The following CD6 variants were observed in gnomAD, a reference collection of about 807,000 sequenced individuals.
CD6 encodes the protein T-cell differentiation antigen CD6.
A neutral mutation model predicts 75.3 loss-of-function variants in CD6; 53 were observed. The ratio of observed to expected loss-of-function variants is 0.70; its 90% CI spans 0.56 to 0.88. CD6 has a LOEUF of 0.88. Ranked by LOEUF, CD6 falls within the 40% of genes least tolerant of loss-of-function variation. The probability of loss-of-function intolerance (pLI) is 0.00; values close to 1 mark genes in which losing one functional copy is unlikely to be tolerated. For synonymous variants in CD6, 359 were observed against 381.5 expected (o/e 0.94, Z 0.69); for missense variants, 770 against 897.1 (o/e 0.86, Z 1.81).
intron 1 of CD6, among the ~76,000 whole-genome samples, chr11:61,006,127 T>A (rs1336069703): frequency 6.6e-6 from 1 of 152,252 alleles, no homozygotes; most frequent in Non-Finnish European, 1.5e-5. Flanking sequence ...CAAAATTTTC[T>A]TTTTCTAAAT....
intron 1 of CD6, among the ~76,000 whole-genome samples, chr11:60,993,009 AT>A (rs1236957658): frequency 6.6e-6 from 1 of 152,060 alleles, no homozygotes; most frequent in African/African-American, 2.4e-5. Context: ...CCCTACTCTT[AT>A]CCCTTGGGAT....
At chr11:60,998,629 T>G (rs1858415771) in intron 1 of CD6, among the ~76,000 whole-genome samples, 1 of 152,060 alleles carries the variant, frequency 6.6e-6, no homozygotes, top group Non-Finnish European at 1.5e-5. Context: ...TCCCTGGGAA[T>G]GAGTATGGCT....
At chr11:61,018,612 A>C in intron 12 of CD6, 1 of 529,552 alleles carries the variant, frequency 1.9e-6, no homozygotes, top group Non-Finnish European at 3.4e-6. Flanking sequence ...GAGGCCAGGA[A>C]TTTACGACTA....
chr11:60,979,317 G>T (rs1295539464), intron 1 of CD6, among the ~76,000 whole-genome samples: 1 of 152,206 alleles, frequency 6.6e-6, no homozygotes, highest in Admixed American at 6.5e-5. Context: ...GTCAAGTGTG[G>T]CTGCCTCCCT....
chr11:60,987,805 C>T (rs1750754854), intron 1 of CD6: 1 of 152,168 alleles, frequency 6.6e-6, no homozygotes, highest in South Asian at 2.1e-4. Context: ...TCAGTTATTC[C>T]CTCCTAACTC....
intron 1 of CD6, among the ~76,000 whole-genome samples, chr11:60,983,023 A>G (rs1304565739): frequency 6.6e-6 from 1 of 151,284 alleles, no homozygotes; most frequent in Non-Finnish European, 1.5e-5. Flanking sequence ...TGCTGGCTTC[A>G]TGTAGCTACT....
intron 1 of CD6, among the ~76,000 whole-genome samples, chr11:61,003,624 C>T (rs1398153587): frequency 2.0e-5 from 3 of 152,124 alleles, no homozygotes; most frequent in Non-Finnish European, 2.9e-5. Flanking sequence ...GTCCTAGCTA[C>T]TCGGGAAACT....
chr11:60,981,331 C>T (rs988340683), intron 1 of CD6, among the ~76,000 whole-genome samples: 1 of 152,228 alleles, frequency 6.6e-6, no homozygotes, highest in Non-Finnish European at 1.5e-5. Flanking sequence ...TACCTCATGA[C>T]TCCAAATCCG....
intron 1 of CD6, among the ~76,000 whole-genome samples, chr11:60,999,408 A>G (rs1209342846): frequency 6.6e-6 from 1 of 150,778 alleles, no homozygotes; most frequent in Non-Finnish European, 1.5e-5. Context: ...AAAAAATCTC[A>G]GGATGCAGTG....
intron 1 of CD6, among the ~76,000 whole-genome samples, chr11:60,994,214 G>T (rs1157493219): frequency 2.0e-5 from 3 of 152,130 alleles, no homozygotes; most frequent in Non-Finnish European, 4.4e-5. Context: ...GCTGAGGCAG[G>T]GGGATTGCTT....
intron 12 of CD6, 175 bp from the exon 13 acceptor site, chr11:61,019,078 TA>T (rs1859557839): frequency 5.3e-6 from 3 of 569,252 alleles, no homozygotes; most frequent in African/African-American, 1.9e-5. Flanking sequence ...CAGACGAGGC[TA>T]TTCCCTCAGT....
chr11:61,013,588 TG>T, intron 7 of CD6, 25 bp downstream of exon 7: 4 of 1,612,320 alleles, frequency 2.5e-6, no homozygotes, highest in Non-Finnish European at 2.5e-6. Context: ...CTGGGAGCCA[TG>T]GCCATCCCAG....
Position 61,019,444 on chromosome 11 carries a change from G to T in CD6, c.*126G>T, listed in dbSNP as rs1461974593. The T allele has an allele frequency of 5.9e-6, 4 of 683,608 alleles. No individual in the cohort carries two copies. In the East Asian group the frequency reaches 1.1e-4, roughly 19 times the overall value. The allele number at this position is 683,608 out of a possible 1,614,324, so 42.3% of individuals were successfully genotyped here. A position where few individuals can be genotyped will look rare whatever the true frequency, so the allele number is the denominator to read the frequency against. ...GGAGCTGAGAGGCCTCCCTTGGAGAGATGGAAGGAAACGTTATACCTTGTA... is the reference window on the plus strand; with the variant it reads ...GGAGCTGAGAGGCCTCCCTTGGAGATATGGAAGGAAACGTTATACCTTGTA... On this transcript the variant is annotated 3_prime_UTR_variant, in exon 13 of 13. Transcript: ENST00000313421.
Position 61,019,252 on chromosome 11 carries a change from AG to A in CD6, c.1944del. ...CACTAATCTGGGCCTCTCTGCCCAC[AG>A]GGTCCCCCAGCCCTCAGCCTGACTC... On this transcript the variant is annotated splice_acceptor_variant, in intron 12 of 12. Transcript: ENST00000313421. LOFTEE classifies it high-confidence loss of function. 6.2e-7 allele frequency: 1 copy of A among 1,610,866 alleles called. No individual in the cohort carries two copies. The highest frequency in any genetic ancestry group is 8.5e-7 in the Non-Finnish European group (1 of 1,179,304).
At chr11:61,015,096 T>C (rs1387097007) in intron 8 of CD6, among the ~76,000 whole-genome samples, 3 of 152,166 alleles carry the variant, frequency 2.0e-5, no homozygotes, top group Non-Finnish European at 4.4e-5. Context: ...ATGGGGATAA[T>C]AATGTACCCA....
chr11:61,007,880 GA>G lies in CD6; in HGVS notation c.440del (p.Asp147AlafsTer82), dbSNP rs752014931. 5.3e-5 allele frequency: 73 copies of G among 1,377,396 alleles called. No individual in the cohort carries two copies. The highest frequency in any genetic ancestry group is 2.5e-4 in the Middle Eastern group (1 of 3,950). The allele number at this position is 1,377,396 out of a possible 1,614,324, so 85.3% of individuals were successfully genotyped here. A position where few individuals can be genotyped will look rare whatever the true frequency, so the allele number is the denominator to read the frequency against. ...GGTGGTGGAGCACGCGTGCCGCAGC[GA>G]CGGGAGGCGGGCCCGTGTCACCTGT... ...CEVVEHACRS[D>X]GRRARVTCAE... On this transcript the variant is annotated frameshift_variant, in exon 3 of 13. Transcript: ENST00000313421. LOFTEE classifies it high-confidence loss of function. The surrounding 1 kb of genome is among the most constrained non-coding windows in gnomAD (Gnocchi z 4.2).
chr11:61,020,280 G>A lies in CD6; in HGVS notation c.*962G>A, dbSNP rs561161098. 2.1e-4 allele frequency: 85 copies of A among 399,022 alleles called. No homozygotes were observed. Among genetic ancestry groups the A allele is most frequent in the African/African-American group, 1.3e-3 (65 of 48,748 alleles). The allele number at this position is 399,022 out of a possible 1,614,324, so 24.7% of individuals were successfully genotyped here. ...TGGTGTTGCACCCGGGGCTGCAAACGTCTCCGTGCAGCCCCCAGAGAGAGG... is the reference window on the plus strand; with the variant it reads ...TGGTGTTGCACCCGGGGCTGCAAACATCTCCGTGCAGCCCCCAGAGAGAGG... On this transcript the variant is annotated 3_prime_UTR_variant, in exon 13 of 13. Transcript: ENST00000313421.
intron 1 of CD6, among the ~76,000 whole-genome samples, chr11:60,977,716 A>G (rs1857414418): frequency 6.6e-6 from 1 of 152,006 alleles, no homozygotes; most frequent in Admixed American, 6.6e-5. Context: ...TGCAGCTTCA[A>G]ACTCCTGGGC....
At chr11:60,992,948 GC>G (rs1858128785) in intron 1 of CD6, among the ~76,000 whole-genome samples, 1 of 152,184 alleles carries the variant, frequency 6.6e-6, no homozygotes, top group Non-Finnish European at 1.5e-5. Flanking sequence ...AGAAGATGGG[GC>G]TGGTGACATG....
Sources: gnomAD v4.1 joint callset for allele counts (sites outside exome capture counted in the v4.1 genomes callset) on GRCh38, gnomAD v4.1.1 for gene constraint, Gnocchi (gnomAD v3.1) non-coding constraint, MANE v1.5 for transcripts, NCBI Gene and HGNC (gene_info 2026-07-23, HGNC 2026-07-21) for gene names.